Variants in ANKS1B observed in about 807,000 individuals in gnomAD.
ANKS1B encodes ankyrin repeat and sterile alpha motif domain containing 1B.
Under a neutral mutation model 148.3 loss-of-function variants are expected in ANKS1B, and 36 were observed. That is an observed-to-expected ratio of 0.24 (90% CI 0.19 to 0.32). The LOEUF (loss-of-function observed/expected upper bound fraction) is 0.32. Ranked by LOEUF, ANKS1B falls within the 10% of genes least tolerant of loss-of-function variation. The probability of loss-of-function intolerance (pLI) is 1.00; values close to 1 mark genes in which losing one functional copy is unlikely to be tolerated. For missense variants in ANKS1B, 1,157 were observed against 1,542.6 expected (o/e 0.75, Z 4.19); for synonymous variants, 542 against 560.8 (o/e 0.97, Z 0.47).
intron 12 of ANKS1B, among the ~76,000 whole-genome samples, chr12:99,345,944 A>G (rs896301722): frequency 5.3e-5 from 8 of 152,146 alleles, no homozygotes; most frequent in Admixed American, 2.0e-4. Context: ...TGTCCTAATC[A>G]TACCTGAAGG....
chr12:99,612,431 T>C (rs2097910752), intron 9 of ANKS1B, among the ~76,000 whole-genome samples: 1 of 152,104 alleles, frequency 6.6e-6, no homozygotes, highest in Admixed American at 6.6e-5. Flanking sequence ...GTACTACTAT[T>C]ATCTCCACTT....
intron 9 of ANKS1B, among the ~76,000 whole-genome samples, chr12:99,592,922 T>C (rs1030381231): frequency 4.6e-5 from 7 of 152,074 alleles, no homozygotes; most frequent in Non-Finnish European, 8.8e-5. Context: ...AAGCTATAGG[T>C]TGATTAAGAA....
At chr12:99,627,139 A>G (rs1331737816) in intron 9 of ANKS1B, among the ~76,000 whole-genome samples, 1 of 152,200 alleles carries the variant, frequency 6.6e-6, no homozygotes, top group Non-Finnish European at 1.5e-5. Context: ...TGAAATAAAT[A>G]TAGCTATATT....
intron 1 of ANKS1B, among the ~76,000 whole-genome samples, chr12:99,895,490 A>G (rs717402): frequency 0.18 from 26,983 of 150,394 alleles, 3,890 homozygotes; most frequent in Non-Finnish European, 0.26. Flanking sequence ...TAGGATAGTA[A>G]GAAATAAAGC....
chr12:99,612,904 C>T (rs1237656354), intron 9 of ANKS1B, among the ~76,000 whole-genome samples: 2 of 152,044 alleles, frequency 1.3e-5, no homozygotes, highest in Non-Finnish European at 2.9e-5. Context: ...TCCAGCTCAC[C>T]CAATGAGGGA....
chr12:99,596,241 C>T (rs34424885), intron 9 of ANKS1B, among the ~76,000 whole-genome samples: 1 of 151,846 alleles, frequency 6.6e-6, no homozygotes, highest in Non-Finnish European at 1.5e-5. Flanking sequence ...CATGTTCCCT[C>T]TAAAGGCTCC....
At chr12:99,978,196 C>CT (rs760193558) in intron 1 of ANKS1B, among the ~76,000 whole-genome samples, 1 of 152,190 alleles carries the variant, frequency 6.6e-6, no homozygotes, top group East Asian at 1.9e-4. Flanking sequence ...ATGCTTCTGC[C>CT]TTAATGTCAG....
intron 17 of ANKS1B, among the ~76,000 whole-genome samples, chr12:98,940,265 G>A (rs891700499): frequency 2.0e-5 from 3 of 152,222 alleles, no homozygotes; most frequent in Non-Finnish European, 1.5e-5. Flanking sequence ...GCAAAGGGCA[G>A]TAGTGGCTTG....
At chr12:99,268,497 T>C (rs913762537) in intron 12 of ANKS1B, among the ~76,000 whole-genome samples, 1 of 152,192 alleles carries the variant, frequency 6.6e-6, no homozygotes, top group Admixed American at 6.5e-5. Flanking sequence ...GTTATGCCTA[T>C]GTCACCTTGG....
chr12:99,539,711 T>C (rs2097106906), intron 9 of ANKS1B, among the ~76,000 whole-genome samples: 1 of 152,164 alleles, frequency 6.6e-6, no homozygotes. Flanking sequence ...AATGGACTCT[T>C]CTGTTTTTGT....
In ANKS1B at chr12:99,237,858, C is replaced by T. The variant is rs556603112; in HGVS notation, c.2419+6484G>A. Among the ~76,000 whole-genome samples the T allele has an allele frequency of 6.6e-5, 10 of 152,304 alleles. No homozygotes were observed. The South Asian group carries it at 2.1e-3, about 32-fold the overall frequency. On this transcript the variant is annotated intron_variant, in intron 14 of 26. Transcript: ENST00000683438. Reference sequence around the variant, plus strand: ...TCTCAAACACCTAGGCTCTAGCAATCCTTTGGCCTCAGCCTCCCGAGTACC... The same window carrying T: ...TCTCAAACACCTAGGCTCTAGCAATTCTTTGGCCTCAGCCTCCCGAGTACC...
intron 19 of ANKS1B, among the ~76,000 whole-genome samples, chr12:98,812,304 AC>A (rs1249192680): frequency 1.3e-5 from 2 of 152,190 alleles, no homozygotes; most frequent in African/African-American, 4.8e-5. Flanking sequence ...TGTTACAGTC[AC>A]CTACAGTATT....
chr12:98,925,208 A>G (rs2152929920), intron 17 of ANKS1B, among the ~76,000 whole-genome samples: 1 of 152,354 alleles, frequency 6.6e-6, no homozygotes, highest in African/African-American at 2.4e-5. Flanking sequence ...TTGAGGAGGC[A>G]GTGAATGGAA....
At chr12:99,580,740 G>C (rs577755816) in intron 9 of ANKS1B, among the ~76,000 whole-genome samples, 49 of 152,162 alleles carry the variant, frequency 3.2e-4, no homozygotes, top group Admixed American at 7.2e-4. Flanking sequence ...ATAGCTAGAA[G>C]ATTTAAAATG....
rs548183760 is a variant in ANKS1B, at chr12:99,154,660, G to A, written c.2420-265C>T. 31 of 1,439,464 alleles carry A rather than the reference G, an allele frequency of 2.2e-5. No homozygotes were observed. In the East Asian group the frequency reaches 5.0e-4, roughly 23 times the overall value. 89.2% of individuals were successfully genotyped at this position (1,439,464 alleles called of 1,614,324 possible). ...ATTAATCTTTACTACCGACCAGTAC[G>A]TCATACAGCCCCCAAAACCAGGCAG... On this transcript the variant is annotated intron_variant, in intron 14 of 26. Transcript: ENST00000683438.
chr12:99,973,342 G>A (rs1276980440), intron 1 of ANKS1B, among the ~76,000 whole-genome samples: 2 of 152,250 alleles, frequency 1.3e-5, no homozygotes, highest in East Asian at 1.9e-4. Flanking sequence ...CACTTTGGGA[G>A]GCCAAGGTGG....
At chr12:99,428,680 T>C (rs2152741382) in intron 11 of ANKS1B, among the ~76,000 whole-genome samples, 1 of 152,324 alleles carries the variant, frequency 6.6e-6, no homozygotes, top group Non-Finnish European at 1.5e-5. Context: ...ACTATGCTTA[T>C]ATACAAATAT....
At chr12:98,776,233 G>T (rs1245656163) in intron 24 of ANKS1B, among the ~76,000 whole-genome samples, 2 of 152,228 alleles carry the variant, frequency 1.3e-5, no homozygotes, top group Non-Finnish European at 2.9e-5. Flanking sequence ...CCTTGGAGAA[G>T]AAGCCAAAGA....
At chr12:99,271,588 GTTAAA>G (rs938744153) in intron 12 of ANKS1B, among the ~76,000 whole-genome samples, 3 of 145,634 alleles carry the variant, frequency 2.1e-5, no homozygotes, top group African/African-American at 7.7e-5. Flanking sequence ...TAATTAAAAA[GTTAAA>G]TTAAAAAGTT....
Sources: gnomAD v4.1 joint callset for allele counts (sites outside exome capture counted in the v4.1 genomes callset) on GRCh38, gnomAD v4.1.1 for gene constraint, MANE v1.5 for transcripts, NCBI Gene and HGNC (gene_info 2026-07-23, HGNC 2026-07-21) for gene names.